TDRD9: variants seen among roughly 807,000 people sequenced by gnomAD.
The protein encoded by TDRD9 is ATP-dependent RNA helicase TDRD9.
Under a neutral mutation model 172.6 loss-of-function variants are expected in TDRD9, and 124 were observed. That is an observed-to-expected ratio of 0.72 (90% CI 0.62 to 0.83). The LOEUF (loss-of-function observed/expected upper bound fraction) is 0.83. Ranked by LOEUF, TDRD9 falls within the 40% of genes least tolerant of loss-of-function variation. The probability of loss-of-function intolerance (pLI) is 0.00; values close to 1 mark genes in which losing one functional copy is unlikely to be tolerated. For synonymous variants in TDRD9, 619 were observed against 617.1 expected (o/e 1.00, Z -0.05); for missense variants, 1,479 against 1,714.1 (o/e 0.86, Z 2.42).
In TDRD9 at chr14:103,932,478, C is replaced by T. The variant is rs184276116; in HGVS notation, c.215+3754C>T. On this transcript the variant is annotated intron_variant, in intron 1 of 35. Transcript: ENST00000409874. ...TCTCGGCTCACTGCAAGCTCTGCCT[C>T]CCGGGTTCACACCATTCTGCTGCCT... Among the ~76,000 whole-genome samples, 161 of 152,032 alleles carry T rather than the reference C, an allele frequency of 1.1e-3. 1 individual carries two copies. The highest frequency in any genetic ancestry group is 3.4e-3 in the Middle Eastern group (1 of 292).
chr14:103,998,505 C>A, intron 12 of TDRD9, 119 bp from the exon 13 acceptor site: 1 of 676,266 alleles, frequency 1.5e-6, no homozygotes. Context: ...AACGTTTCTG[C>A]CTGTTCACTA....
intron 13 of TDRD9, among the ~76,000 whole-genome samples, chr14:104,001,440 C>T (rs1167322066): frequency 6.6e-6 from 1 of 152,228 alleles, no homozygotes; most frequent in Non-Finnish European, 1.5e-5. Context: ...TAGTACTCCA[C>T]TGAACATTTA....
chr14:104,003,037 C>T (rs1247040058), intron 13 of TDRD9, among the ~76,000 whole-genome samples: 1 of 151,972 alleles, frequency 6.6e-6, no homozygotes, highest in Non-Finnish European at 1.5e-5. Context: ...AACAACTTTC[C>T]CTTTTGGTCA....
At position 103,994,376 on chromosome 14, in the gene TDRD9, G is replaced by T; in HGVS notation, c.1225G>T (p.Val409Phe). 1.2e-6 allele frequency: 2 copies of T among 1,613,604 alleles called. No homozygotes were observed. The highest frequency in any genetic ancestry group is 2.2e-5 in the South Asian group (2 of 91,070). The change falls in exon 10 of 36, where the codon GTT (valine) becomes TTT (phenylalanine). Residue 409 changes from valine (V) to phenylalanine (F), a missense_variant. Physicochemically the swap from Val to Phe is conservative, Grantham distance 50 (BLOSUM62 -1). This residue lies in a region of TDRD9 where 1,413 missense variants were observed against 1,649.1 expected (regional missense o/e 0.86). Transcript: ENST00000409874. ...TATGCATGAACTTCTCACAAGCCTG[G>T]TTCATAAAAGGTATGTTGAAAATGA... is the stretch of plus-strand genomic sequence containing the variant. ...NYMHELLTSL[V>F]HKRLQVYPLH...
intron 18 of TDRD9, 134 bp downstream of exon 18, chr14:104,006,979 G>C: frequency 2.0e-6 from 2 of 981,572 alleles, no homozygotes; most frequent in Non-Finnish European, 3.1e-6. Flanking sequence ...TTGGTGTCCA[G>C]TGTTAAATTA....
rs754098262 is a variant in TDRD9, at chr14:103,955,739, G to T, written c.291G>T (p.Val97=). ...YRQLEAQELD[V]CRSVQPTSGP... is the part of the protein sequence containing the mutation. ...AGCTCGAAGCACAAGAGCTTGATGT[G>T]TGTCGCAGTGTCCAACCAACCAGTG... The change falls in exon 2 of 36, where the codon GTG becomes GTT. Residue 97 remains valine, a synonymous_variant. Transcript: ENST00000409874. 260 of 1,551,212 alleles carry T rather than the reference G, an allele frequency of 1.7e-4. No individual in the cohort carries two copies. Among genetic ancestry groups the T allele is most frequent in the Non-Finnish European group, 2.2e-4 (253 of 1,146,832 alleles).
chr14:103,947,206 A>G (rs10131031), intron 1 of TDRD9, among the ~76,000 whole-genome samples: 8,088 of 152,310 alleles, frequency 0.053, 434 homozygotes, highest in Admixed American at 0.14. Flanking sequence ...TGGAGTAGAG[A>G]GCCCAGAAAT....
At position 104,015,961 on chromosome 14, in the gene TDRD9, A is replaced by C. The variant is rs754659500; in HGVS notation, c.2224-20A>C. The C allele has an allele frequency of 4.6e-6, 7 of 1,531,480 alleles. No individual in the cohort carries two copies. The African/African-American group carries it at 9.6e-5, about 21-fold the overall frequency. 94.9% of individuals were successfully genotyped at this position (1,531,480 alleles called of 1,614,324 possible). On this transcript the variant is annotated intron_variant, in intron 21 of 35. Transcript: ENST00000409874. ...GATAAAATAATGCTGTTACTTCATG[A>C]AAATAAATTTCTTTTTCAGGTTGTA...
At chr14:104,049,222 ACTCC>A (rs1332661558) in intron 34 of TDRD9, among the ~76,000 whole-genome samples, 2 of 151,214 alleles carry the variant, frequency 1.3e-5, no homozygotes, top group African/African-American at 4.9e-5. Context: ...AGAACTCTTT[ACTCC>A]CTCATTGTTC....
intron 1 of TDRD9, among the ~76,000 whole-genome samples, chr14:103,937,028 GCTGCAGTGAGCTATGATTGCACCA>G (rs1330266280): frequency 6.6e-5 from 10 of 152,166 alleles, no homozygotes; most frequent in Non-Finnish European, 8.8e-5. Context: ...GGAGTTCAAG[GCTGCAGTGAGCTATGATTGCACCA>G]CTGCACGCCT....
chr14:104,019,399 T>C (rs945266243), intron 23 of TDRD9, among the ~76,000 whole-genome samples: 1 of 152,214 alleles, frequency 6.6e-6, no homozygotes, highest in Admixed American at 6.5e-5. Flanking sequence ...AGTCTTGCTC[T>C]GTCATCAGGC....
chr14:104,005,406 G>A lies in TDRD9; in HGVS notation c.1713+1G>A. 2 of 1,613,916 alleles carry A rather than the reference G, an allele frequency of 1.2e-6. No individual in the cohort carries two copies. The highest frequency in any genetic ancestry group is 1.7e-6 in the Non-Finnish European group (2 of 1,179,864). On this transcript the variant is annotated splice_donor_variant, in intron 15 of 35. Transcript: ENST00000409874. LOFTEE classifies it high-confidence loss of function. ...GCGCACCATCCTTCTACTAAAGGAG[G>A]TAGGACTGCCTGCTGGTTAGTACTG... is the stretch of plus-strand genomic sequence containing the variant.
chr14:103,966,702 A>T lies in TDRD9; in HGVS notation c.643-7A>T. On this transcript the variant is annotated splice_polypyrimidine_tract_variant and splice_region_variant and intron_variant, in intron 4 of 35. Transcript: ENST00000409874. ...TTTTCCTTTCCTTTTTCCTTCTCCA[A>T]TTTTAGGTAGGGCTAGAGAAAATAG... 6.6e-7 allele frequency: 1 copy of T among 1,509,276 alleles called. No individual in the cohort carries two copies. The allele number at this position is 1,509,276 out of a possible 1,614,324, so 93.5% of individuals were successfully genotyped here.
intron 20 of TDRD9, 33 bp from the exon 21 acceptor site, chr14:104,014,692 T>G (rs1334006629): frequency 1.6e-6 from 2 of 1,265,758 alleles, no homozygotes; most frequent in African/African-American, 2.9e-5. Flanking sequence ...ATATGTACCT[T>G]TGAGACATCA....
chr14:104,002,317 C>CAAA (rs200021451), intron 13 of TDRD9, among the ~76,000 whole-genome samples: 5 of 128,718 alleles, frequency 3.9e-5, no homozygotes, highest in African/African-American at 8.6e-5. Flanking sequence ...GATGCTGTTT[C>CAAA]AAAAAAAAAA....
At chr14:104,030,944 A>G (rs957193590) in intron 28 of TDRD9, among the ~76,000 whole-genome samples, 164 bp from the exon 29 acceptor site, 1 of 152,228 alleles carries the variant, frequency 6.6e-6, no homozygotes, top group Non-Finnish European at 1.5e-5. Flanking sequence ...TAACCTGCAC[A>G]TTGTGCACAT....
intron 25 of TDRD9, 41 bp from the exon 26 acceptor site, chr14:104,025,523 C>T (rs1042508300): frequency 1.9e-6 from 3 of 1,559,942 alleles, no homozygotes; most frequent in Non-Finnish European, 2.6e-6. Flanking sequence ...TTACAAAAGT[C>T]CTTTCTAGAT....
intron 13 of TDRD9, among the ~76,000 whole-genome samples, chr14:104,003,815 C>T (rs191826736): frequency 1.3e-5 from 2 of 152,250 alleles, no homozygotes; most frequent in East Asian, 3.9e-4. Flanking sequence ...GTGGGAAGCA[C>T]AGGGTGCTGA....
intron 1 of TDRD9, chr14:103,941,384 A>T: frequency 6.6e-7 from 1 of 1,519,818 alleles, no homozygotes; most frequent in Non-Finnish European, 8.8e-7. Context: ...ATAAGAGAAC[A>T]TAGTATTTTT....
Sources: gnomAD v4.1 joint callset for allele counts (sites outside exome capture counted in the v4.1 genomes callset) on GRCh38, gnomAD v4.1.1 for gene constraint, gnomAD v4.1.1 regional missense constraint, MANE v1.5 for transcripts, NCBI Gene and HGNC (gene_info 2026-07-23, HGNC 2026-07-21) for gene names.